The following HMGA2 variants were observed in gnomAD, a reference collection of about 807,000 sequenced individuals.
HMGA2 encodes the protein high mobility group protein HMGI-C.
Under a neutral mutation model 19.1 loss-of-function variants are expected in HMGA2, and 8 were observed. The observed-to-expected ratio is 0.42, with a 90% CI of 0.25 to 0.76. The LOEUF (loss-of-function observed/expected upper bound fraction) is 0.76. Among genes scored for constraint, HMGA2 ranks in the 30% least tolerant of loss-of-function variants. The pLI, the probability that HMGA2 is intolerant of heterozygous loss-of-function variation, is 0.28. For missense variants in HMGA2, 109 were observed against 136.3 expected (o/e 0.80, Z 1.00); for synonymous variants, 60 against 48.8 (o/e 1.23, Z -0.96).
intron 2 of HMGA2, among the ~76,000 whole-genome samples, chr12:65,834,302 C>T (rs1374268289): frequency 1.3e-5 from 2 of 152,146 alleles, no homozygotes; most frequent in East Asian, 3.9e-4. Context: ...AAATGTATGC[C>T]TTCTGCGACT....
chr12:65,897,749 C>T (rs1874188844), intron 3 of HMGA2, among the ~76,000 whole-genome samples: 1 of 152,162 alleles, frequency 6.6e-6, no homozygotes, highest in South Asian at 2.1e-4. Flanking sequence ...CACCTGAGGT[C>T]AGGTGTTTGA....
rs777343534 is a variant in HMGA2 at position 65,865,801 on chromosome 12, AT to A, written c.249+27245del. Among the ~76,000 whole-genome samples the A allele has an allele frequency of 5.7e-3, 813 of 142,448 alleles. 4 individuals carry two copies. The highest frequency in any genetic ancestry group is 0.013 in the African/African-American group (499 of 39,022). 93.5% of individuals were successfully genotyped at this position (142,448 alleles called of 152,430 possible). Reference sequence around the variant, plus strand: ...AGGCACCTGCCACCACGCCCGGCTAATTTTTTTTTTTTTGGTATTTTTAGTA... The same window carrying A: ...AGGCACCTGCCACCACGCCCGGCTAATTTTTTTTTTTTGGTATTTTTAGTA... On this transcript the variant is annotated intron_variant, in intron 3 of 4. Coordinates refer to ENST00000403681, the MANE Select transcript of HMGA2 (RefSeq NM_003483.6).
intron 3 of HMGA2, among the ~76,000 whole-genome samples, chr12:65,869,904 A>G (rs1872620699): frequency 1.3e-5 from 2 of 152,224 alleles, no homozygotes; most frequent in South Asian, 4.1e-4. Flanking sequence ...TCTAAAGTCC[A>G]TGATTTTCTG....
chr12:65,895,953 A>C (rs77619588), intron 3 of HMGA2, among the ~76,000 whole-genome samples: 6,649 of 152,212 alleles, frequency 0.044, 386 homozygotes, highest in South Asian at 0.25. Flanking sequence ...GTGCGTTTGC[A>C]TGTGTGTGTT....
chr12:65,897,831 G>A (rs115191478), intron 3 of HMGA2, among the ~76,000 whole-genome samples: 12 of 151,926 alleles, frequency 7.9e-5, no homozygotes, highest in Non-Finnish European at 8.8e-5. Flanking sequence ...ATGGTGGCAC[G>A]CCCCTGTTGT....
intron 4 of HMGA2, among the ~76,000 whole-genome samples, chr12:65,960,545 C>T (rs1876723857): frequency 6.6e-6 from 1 of 152,204 alleles, no homozygotes; most frequent in Admixed American, 6.5e-5. Flanking sequence ...TGCCCCACCA[C>T]ATCAACCCTT....
chr12:65,925,555 T>C (rs1247735556), intron 3 of HMGA2, among the ~76,000 whole-genome samples: 1 of 152,212 alleles, frequency 6.6e-6, no homozygotes, highest in African/African-American at 2.4e-5. Context: ...CATCGTTTCC[T>C]GTATATCTTT....
chr12:65,836,092 C>T (rs1870705703), intron 2 of HMGA2, among the ~76,000 whole-genome samples: 1 of 152,138 alleles, frequency 6.6e-6, no homozygotes, highest in African/African-American at 2.4e-5. Context: ...TGAGAGGAAA[C>T]TAACTTGAAG....
chr12:65,884,919 A>G (rs1283082709), intron 3 of HMGA2, among the ~76,000 whole-genome samples: 3 of 152,262 alleles, frequency 2.0e-5, no homozygotes, highest in African/African-American at 4.8e-5. Flanking sequence ...CGCCTGGCAC[A>G]TAGTGCTATA....
intron 3 of HMGA2, among the ~76,000 whole-genome samples, chr12:65,890,727 CTT>C (rs113634383): frequency 1.1e-3 from 162 of 141,904 alleles, no homozygotes; most frequent in African/African-American, 3.5e-3. Flanking sequence ...TCAGTATATT[CTT>C]TTTTTTTTTT....
intron 3 of HMGA2, chr12:65,915,183 A>T: frequency 6.2e-7 from 1 of 1,610,374 alleles, no homozygotes; most frequent in Non-Finnish European, 8.5e-7. Flanking sequence ...CACCTTGAGG[A>T]ATTGTCCATT....
chr12:65,914,039 T>C (rs950628842), intron 3 of HMGA2, among the ~76,000 whole-genome samples: 5 of 152,174 alleles, frequency 3.3e-5, no homozygotes, highest in Non-Finnish European at 5.9e-5. Context: ...TTTTACACTG[T>C]TGGTGGGACT....
At chr12:65,860,465 C>T (rs1370402824) in intron 3 of HMGA2, among the ~76,000 whole-genome samples, 5 of 152,166 alleles carry the variant, frequency 3.3e-5, no homozygotes, top group Admixed American at 6.6e-5. Flanking sequence ...GTATGAATGC[C>T]TTGCTTTCAT....
chr12:65,883,721 G>A (rs976988502), intron 3 of HMGA2, among the ~76,000 whole-genome samples: 1 of 152,024 alleles, frequency 6.6e-6, no homozygotes, highest in Non-Finnish European at 1.5e-5. Context: ...TCCAGAAAGA[G>A]GCACAGTTTA....
intron 3 of HMGA2, among the ~76,000 whole-genome samples, chr12:65,933,167 A>G (rs945226404): frequency 6.6e-6 from 1 of 152,006 alleles, no homozygotes; most frequent in Admixed American, 6.6e-5. Flanking sequence ...TTGAAGATAA[A>G]GTAGGGCCTT....
At chr12:65,831,206 T>A (rs535540145) in intron 2 of HMGA2, among the ~76,000 whole-genome samples, 20 of 151,986 alleles carry the variant, frequency 1.3e-4, no homozygotes, top group Middle Eastern at 3.4e-3. Context: ...CTGGTTGTGG[T>A]GGATGGAAAT....
At chr12:65,866,716 A>C (rs1872433407) in intron 3 of HMGA2, 1 of 429,428 alleles carries the variant, frequency 2.3e-6, no homozygotes, top group African/African-American at 2.0e-5. Flanking sequence ...ATTCTTCATT[A>C]CAAATTTAAG....
At chr12:65,835,181 C>T (rs1425507120) in intron 2 of HMGA2, among the ~76,000 whole-genome samples, 1 of 152,146 alleles carries the variant, frequency 6.6e-6, no homozygotes. Context: ...TACAGTATTG[C>T]ATATGTTAAA....
rs919207072 is a variant in HMGA2 at position 65,900,729 on chromosome 12, C to A, written c.250-50654C>A. On this transcript the variant is annotated intron_variant, in intron 3 of 4. Transcript: ENST00000403681. ...AGTACAAGCGCTGGTAATTACTGAA[C>A]ACTCACTCAATTCGGTTAATAAAGC... Among the ~76,000 whole-genome samples, 3 of 152,166 alleles carry A rather than the reference C, an allele frequency of 2.0e-5. No individual in the cohort carries two copies. In the South Asian group the frequency reaches 6.2e-4, roughly 32 times the overall value.
Sources: allele counts gnomAD v4.1 joint callset (sites outside exome capture counted in the v4.1 genomes callset), GRCh38; gene constraint gnomAD v4.1.1; transcripts MANE v1.5; gene names NCBI Gene and HGNC (gene_info 2026-07-23, HGNC 2026-07-21).